ANK3: variants seen among roughly 807,000 people sequenced by gnomAD.
ANK3 encodes the protein ankyrin 3, also known as ankyrin-3.
In ANK3, 57 loss-of-function variants were observed where a neutral mutation model predicts 370.9. That is an observed-to-expected ratio of 0.15 (90% CI 0.12 to 0.19). ANK3 has a LOEUF of 0.19. ANK3 is among the 10% of genes least tolerant of loss of function. The probability of loss-of-function intolerance (pLI) is 1.00; values close to 1 mark genes in which losing one functional copy is unlikely to be tolerated. For synonymous variants in ANK3, 1,929 were observed against 1,946.3 expected, an observed-to-expected ratio of 0.99 and a Z score of 0.23; for missense variants, 4,439 against 5,302.1, an observed-to-expected ratio of 0.84 and a Z score of 5.06.
At position 60,067,822 on chromosome 10, in the gene ANK3, GT is replaced by G. The variant is rs553348947; in HGVS notation, c.12319+112del. The G allele has an allele frequency of 1.6e-3, 1,189 of 743,620 alleles. 1 individual carries two copies. Among genetic ancestry groups the G allele is most frequent in the Non-Finnish European group, 2.1e-3 (1,003 of 480,694 alleles). The allele number at this position is 743,620 out of a possible 1,614,324, so 46.1% of individuals were successfully genotyped here. Reference sequence around the variant, plus strand: ...AGATAAAATTATTGGTGATAAAAATGTTTTTTACTAGCTGCTTGTTTCTATT... The same window carrying G: ...AGATAAAATTATTGGTGATAAAAATGTTTTTACTAGCTGCTTGTTTCTATT... On this transcript the variant is annotated intron_variant, in intron 38 of 43. Coordinates refer to ENST00000280772, the MANE Select transcript of ANK3 (RefSeq NM_020987.5).
At chr10:60,051,523 T>G (rs1214480136) in intron 42 of ANK3, 1 of 985,708 alleles carries the variant, frequency 1.0e-6, no homozygotes, top group East Asian at 1.1e-4. Context: ...CTCTCCGCTC[T>G]TCCTCTGAGC....
At chr10:60,203,825 C>A (rs541462773) in intron 11 of ANK3, among the ~76,000 whole-genome samples, 1 of 152,164 alleles carries the variant, frequency 6.6e-6, no homozygotes, top group East Asian at 1.9e-4. Flanking sequence ...TTGAATATGT[C>A]CATGATTGTG....
intron 1 of ANK3, among the ~76,000 whole-genome samples, chr10:60,643,533 TATCTATCTATCC>T (rs1388031559): frequency 4.5e-4 from 57 of 126,818 alleles, no homozygotes; most frequent in Admixed American, 1.9e-3. Flanking sequence ...TCTATCTATC[TATCTATCTATCC>T]ATCCATCCTA....
intron 1 of ANK3, among the ~76,000 whole-genome samples, chr10:60,688,512 G>C (rs1488848729): frequency 6.6e-6 from 1 of 152,136 alleles, no homozygotes; most frequent in Non-Finnish European, 1.5e-5. Context: ...TTACCACAAG[G>C]AAAAGCTTTA....
At chr10:60,051,505 G>A in intron 42 of ANK3, 1 of 984,752 alleles carries the variant, frequency 1.0e-6, no homozygotes, top group Non-Finnish European at 1.2e-6. Flanking sequence ...GAATAACTCG[G>A]GTAGTGACTC....
At chr10:60,494,119 C>A (rs1271461798) in intron 2 of ANK3, among the ~76,000 whole-genome samples, 3 of 152,142 alleles carry the variant, frequency 2.0e-5, no homozygotes, top group Non-Finnish European at 4.4e-5. Flanking sequence ...AATCTATCAA[C>A]CAGATCCAAA....
intron 1 of ANK3, among the ~76,000 whole-genome samples, chr10:60,385,744 C>T (rs553750349): frequency 6.6e-6 from 1 of 152,232 alleles, no homozygotes; most frequent in East Asian, 1.9e-4. Flanking sequence ...ACCTACTTAC[C>T]TATCTGTTGA....
chr10:60,072,779 GGTGCTT>G lies in ANK3; in HGVS notation c.8096_8101del (p.Lys2699_Pro2701delinsThr), dbSNP rs1564793699. On this transcript the variant is annotated inframe_deletion, in exon 37 of 44. Transcript: ENST00000280772. Reference sequence around the variant, plus strand: ...CTGGAATCCAGACTGGGGCCCATCTGGTGCTTTGCTCTGTGAAATACTTCCTTTGGC... The same window carrying G: ...CTGGAATCCAGACTGGGGCCCATCTGTGCTCTGTGAAATACTTCCTTTGGC... 1 of 1,614,056 alleles carries G rather than the reference GGTGCTT, an allele frequency of 6.2e-7. No homozygotes were observed.
intron 26 of ANK3, among the ~76,000 whole-genome samples, chr10:60,111,101 A>C (rs990018277): frequency 3.3e-5 from 5 of 152,196 alleles, no homozygotes; most frequent in African/African-American, 1.2e-4. Flanking sequence ...CTCGGTTACT[A>C]ATACTAATGG....
intron 1 of ANK3, among the ~76,000 whole-genome samples, chr10:60,665,561 T>C (rs2078985832): frequency 6.6e-6 from 1 of 152,206 alleles, no homozygotes; most frequent in South Asian, 2.1e-4. Context: ...AGACAAAACA[T>C]ACTTAAACTC....
intron 7 of ANK3, among the ~76,000 whole-genome samples, chr10:60,247,555 C>T (rs2097575728): frequency 6.6e-6 from 1 of 152,196 alleles, no homozygotes; most frequent in Non-Finnish European, 1.5e-5. Flanking sequence ...CACCATCCTA[C>T]TTTTGTCTCC....
At chr10:60,566,429 G>A (rs2077462684) in intron 2 of ANK3, among the ~76,000 whole-genome samples, 1 of 152,162 alleles carries the variant, frequency 6.6e-6, no homozygotes, top group Non-Finnish European at 1.5e-5. Context: ...CAAAAACTAG[G>A]ACTCTTTCAC....
At chr10:60,489,350 T>C (rs1441922435) in intron 2 of ANK3, among the ~76,000 whole-genome samples, 1 of 152,242 alleles carries the variant, frequency 6.6e-6, no homozygotes, top group African/African-American at 2.4e-5. Context: ...TTAGCTTTTA[T>C]GCTGTTAGTT....
At chr10:60,366,113 T>A (rs928946467) in intron 1 of ANK3, among the ~76,000 whole-genome samples, 4 of 152,022 alleles carry the variant, frequency 2.6e-5, no homozygotes, top group Admixed American at 6.5e-5. Context: ...GGCAAATGGA[T>A]CATCACTTGA....
intron 8 of ANK3, among the ~76,000 whole-genome samples, chr10:60,230,522 C>A (rs2097222934): frequency 6.6e-6 from 1 of 152,048 alleles, no homozygotes; most frequent in Admixed American, 6.5e-5. Flanking sequence ...AGTTAACAAG[C>A]CAGTTGATAT....
chr10:60,450,207 T>C (rs2064561261), intron 2 of ANK3, among the ~76,000 whole-genome samples: 1 of 151,990 alleles, frequency 6.6e-6, no homozygotes, highest in Non-Finnish European at 1.5e-5. Context: ...GGCAGGAGGA[T>C]CACTTGAGCC....
At chr10:60,537,648 TG>T (rs2076754632) in intron 2 of ANK3, among the ~76,000 whole-genome samples, 1 of 151,974 alleles carries the variant, frequency 6.6e-6, no homozygotes, top group African/African-American at 2.4e-5. Flanking sequence ...ATTTATGTCA[TG>T]GAAAAACTAT....
At chr10:60,309,122 T>C (rs113462763) in intron 1 of ANK3, among the ~76,000 whole-genome samples, 4 of 152,210 alleles carry the variant, frequency 2.6e-5, no homozygotes, top group Non-Finnish European at 5.9e-5. Context: ...CAGGACTTCA[T>C]ACGTGTGTTC....
intron 23 of ANK3, among the ~76,000 whole-genome samples, chr10:60,152,271 T>A (rs1278567056): frequency 2.0e-5 from 3 of 152,294 alleles, no homozygotes; most frequent in Non-Finnish European, 4.4e-5. Context: ...CTTGCCTATT[T>A]CTGTAAATAA....
Sources: gnomAD v4.1 joint callset for allele counts (sites outside exome capture counted in the v4.1 genomes callset) on GRCh38, gnomAD v4.1.1 for gene constraint, MANE v1.5 for transcripts, NCBI Gene and HGNC (gene_info 2026-07-23, HGNC 2026-07-21) for gene names.